The following LRRC7 variants were observed in gnomAD, a reference collection of about 807,000 sequenced individuals.
LRRC7 encodes leucine-rich repeat-containing protein 7.
A neutral mutation model predicts 175.7 loss-of-function variants in LRRC7; 23 were observed. That is an observed-to-expected ratio of 0.13 (90% CI 0.09 to 0.19). The LOEUF (loss-of-function observed/expected upper bound fraction) is 0.19, where lower values mean the gene tolerates loss of function less well. Ranked by LOEUF, LRRC7 falls within the 10% of genes least tolerant of loss-of-function variation. The pLI is 1.00. For missense variants in LRRC7, 1,354 were observed against 1,904.7 expected, an observed-to-expected ratio of 0.71 and a Z score of 5.38; for synonymous variants, 685 against 680.9, an observed-to-expected ratio of 1.01 and a Z score of -0.09.
intron 7 of LRRC7, among the ~76,000 whole-genome samples, chr1:69,928,117 C>T (rs985305703): frequency 5.3e-5 from 8 of 152,250 alleles, no homozygotes; most frequent in Admixed American, 1.3e-4. Flanking sequence ...TGCACAACAG[C>T]GGATTTTCGT....
rs1198122423 is a variant in LRRC7, at chr1:70,135,748, T to C, written c.*13861T>C. On this transcript the variant is annotated 3_prime_UTR_variant, in exon 27 of 27. Coordinates refer to ENST00000651989, the MANE Select transcript of LRRC7 (RefSeq NM_001370785.2). ...TGATTTTTTCTCTAGGATATCATCA[T>C]CCAAACTATTCTTGCCCTGTAATAT... Among the ~76,000 whole-genome samples the C allele has an allele frequency of 6.6e-6, 1 of 152,244 alleles. No homozygotes were observed. Among genetic ancestry groups the C allele is most frequent in the Non-Finnish European group, 1.5e-5 (1 of 68,040 alleles).
chr1:69,825,711 G>A, intron 4 of LRRC7, 37 bp from the exon 5 acceptor site: 2 of 1,354,066 alleles, frequency 1.5e-6, no homozygotes, highest in South Asian at 1.3e-5. Flanking sequence ...ATATTTGTTG[G>A]AACATTTTCA....
In LRRC7 at chr1:70,143,308, A is replaced by AT. The variant is rs1230398156; in HGVS notation, c.*21423dup. ...TCCTTTAGCCAGAGAAAGAACTTGA[A>AT]TTGGGATCTGATTTCAAAGAAATCC... On this transcript the variant is annotated 3_prime_UTR_variant, in exon 27 of 27. Transcript: ENST00000651989. The AT allele has an allele frequency of 7.9e-5, 12 of 152,036 alleles. No individual in the cohort carries two copies. Among genetic ancestry groups the AT allele is most frequent in the Admixed American group, 7.9e-4 (12 of 15,256 alleles). 9.4% of individuals were successfully genotyped at this position (152,036 alleles called of 1,614,324 possible). A position where few individuals can be genotyped will look rare whatever the true frequency, so the allele number is the denominator to read the frequency against.
At chr1:69,735,789 C>A (rs1401516273) in intron 2 of LRRC7, among the ~76,000 whole-genome samples, 1 of 151,876 alleles carries the variant, frequency 6.6e-6, no homozygotes, top group Non-Finnish European at 1.5e-5. Flanking sequence ...TCGCCCCTTT[C>A]TCTTTCTCTC....
chr1:69,956,327 C>T (rs1470737260), intron 8 of LRRC7, among the ~76,000 whole-genome samples: 2 of 151,858 alleles, frequency 1.3e-5, no homozygotes, highest in Non-Finnish European at 1.5e-5. Context: ...TTTCCCTCTT[C>T]TCCACACCCA....
intron 7 of LRRC7, among the ~76,000 whole-genome samples, chr1:69,878,392 G>A (rs1021135122): frequency 6.6e-6 from 1 of 152,082 alleles, no homozygotes; most frequent in African/African-American, 2.4e-5. Flanking sequence ...AAAATCCACT[G>A]TGGAGCCAAT....
intron 11 of LRRC7, among the ~76,000 whole-genome samples, chr1:70,010,927 C>A (rs1453367277): frequency 2.0e-5 from 3 of 152,160 alleles, no homozygotes; most frequent in African/African-American, 7.2e-5. Context: ...TGGAGGCACA[C>A]TGAAGAATTA....
chr1:69,889,305 T>G (rs1455213649), intron 7 of LRRC7, among the ~76,000 whole-genome samples: 1 of 152,200 alleles, frequency 6.6e-6, no homozygotes, highest in East Asian at 1.9e-4. Flanking sequence ...CTCTAGAACA[T>G]CTTTCTCTTT....
At chr1:70,054,507 C>G (rs1201394600) in intron 23 of LRRC7, among the ~76,000 whole-genome samples, 2 of 145,026 alleles carry the variant, frequency 1.4e-5, no homozygotes, top group African/African-American at 5.1e-5. Context: ...GGGATGGAAT[C>G]AGGGAGAAAG....
intron 7 of LRRC7, among the ~76,000 whole-genome samples, chr1:69,910,687 C>T (rs1225637770): frequency 6.6e-6 from 1 of 152,230 alleles, no homozygotes; most frequent in Non-Finnish European, 1.5e-5. Flanking sequence ...GCTCTCAGAT[C>T]TCCAGCTGCA....
chr1:69,738,307 C>CT (rs1420253734), intron 2 of LRRC7, among the ~76,000 whole-genome samples: 1 of 152,062 alleles, frequency 6.6e-6, no homozygotes, highest in African/African-American at 2.4e-5. Flanking sequence ...CACCCTGACC[C>CT]TGTCATCCCA....
At chr1:69,599,553 A>G (rs1401777017) in intron 1 of LRRC7, among the ~76,000 whole-genome samples, 7 of 152,218 alleles carry the variant, frequency 4.6e-5, no homozygotes, top group Admixed American at 3.9e-4. Context: ...TTAGAAAATA[A>G]TATTCATCAG....
intron 2 of LRRC7, among the ~76,000 whole-genome samples, chr1:69,729,171 G>A (rs1436793981): frequency 1.3e-5 from 2 of 152,068 alleles, no homozygotes; most frequent in African/African-American, 2.4e-5. Flanking sequence ...GGGATTATGG[G>A]AACTAAAATT....
chr1:69,719,383 T>C (rs1284544779), intron 2 of LRRC7, among the ~76,000 whole-genome samples: 1 of 151,652 alleles, frequency 6.6e-6, no homozygotes, highest in Non-Finnish European at 1.5e-5. Flanking sequence ...ATTCTTTTTG[T>C]TTTTAAGTAC....
chr1:70,107,630 A>C lies in LRRC7; in HGVS notation c.4546-122A>C. Reference sequence around the variant, plus strand: ...CTTAAAATACTATAATATTCTTTGAAGCCTACATGCATAAACTGTTTCTGG... The same window carrying C: ...CTTAAAATACTATAATATTCTTTGACGCCTACATGCATAAACTGTTTCTGG... On this transcript the variant is annotated intron_variant, in intron 25 of 26. Transcript: ENST00000651989. 6.3e-6 allele frequency: 4 copies of C among 633,780 alleles called. No homozygotes were observed. The South Asian group carries it at 6.6e-5, about 11-fold the overall frequency. The allele number at this position is 633,780 out of a possible 1,614,324, so 39.3% of individuals were successfully genotyped here.
At chr1:70,027,110 C>A (rs1023666425) in intron 17 of LRRC7, among the ~76,000 whole-genome samples, 1 of 151,988 alleles carries the variant, frequency 6.6e-6, no homozygotes, top group African/African-American at 2.4e-5. Context: ...TACCCTCCCA[C>A]CCCCACACAC....
chr1:69,945,888 T>C (rs1649256692), intron 8 of LRRC7, among the ~76,000 whole-genome samples: 1 of 152,150 alleles, frequency 6.6e-6, no homozygotes, highest in Non-Finnish European at 1.5e-5. Flanking sequence ...AGTGGAACCT[T>C]TGGGGCTTTC....
chr1:69,886,524 A>T (rs927052439), intron 7 of LRRC7, among the ~76,000 whole-genome samples: 7 of 151,880 alleles, frequency 4.6e-5, no homozygotes, highest in Non-Finnish European at 1.0e-4. Context: ...TGCACGTGAG[A>T]TGGGTTTCCT....
At chr1:69,914,110 A>G (rs887786953) in intron 7 of LRRC7, among the ~76,000 whole-genome samples, 2 of 152,188 alleles carry the variant, frequency 1.3e-5, no homozygotes, top group African/African-American at 4.8e-5. Flanking sequence ...TCCTTGTGCC[A>G]TGAATAGCCA....
Sources: gnomAD v4.1 joint callset for allele counts (sites outside exome capture counted in the v4.1 genomes callset) on GRCh38, gnomAD v4.1.1 for gene constraint, MANE v1.5 for transcripts, NCBI Gene and HGNC (gene_info 2026-07-23, HGNC 2026-07-21) for gene names.